Variants in MGAT4C observed in about 807,000 individuals in gnomAD.
MGAT4C encodes MGAT4 family member C, also known as alpha-1,3-mannosyl-glycoprotein 4-beta-N-acetylglucosaminyltransferase C.
In MGAT4C, 19 loss-of-function variants were observed where a neutral mutation model predicts 40.1. The ratio of observed to expected loss-of-function variants is 0.47; its 90% CI spans 0.33 to 0.70. The LOEUF (loss-of-function observed/expected upper bound fraction) is 0.70, where lower values mean the gene tolerates loss of function less well. MGAT4C is among the 30% of genes least tolerant of loss of function. The pLI is 0.02. For synonymous variants in MGAT4C, 181 were observed against 187.1 expected (o/e 0.97, Z 0.27); for missense variants, 491 against 563.2 (o/e 0.87, Z 1.30).
intron 2 of MGAT4C, among the ~76,000 whole-genome samples, chr12:86,636,312 T>C (rs934039770): frequency 1.3e-5 from 2 of 152,094 alleles, no homozygotes; most frequent in African/African-American, 4.8e-5. Flanking sequence ...TTTTTTAAAA[T>C]TATAAACCTT....
At chr12:86,695,354 G>A (rs532023672) in intron 2 of MGAT4C, among the ~76,000 whole-genome samples, 1 of 152,276 alleles carries the variant, frequency 6.6e-6, no homozygotes, top group Non-Finnish European at 1.5e-5. Context: ...ATAGAGAACA[G>A]TTTGGAGATT....
In MGAT4C at chr12:86,226,345, A is replaced by G. The variant is rs554617997; in HGVS notation, c.-57+29894T>C. Among the ~76,000 whole-genome samples, 403 of 152,082 alleles carry G rather than the reference A, an allele frequency of 2.6e-3. 1 individual carries two copies. The highest frequency in any genetic ancestry group is 6.8e-3 in the Middle Eastern group (2 of 294). On this transcript the variant is annotated intron_variant, in intron 1 of 4. Coordinates refer to ENST00000611864, the MANE Select transcript of MGAT4C (RefSeq NM_001351288.2). ...ATATTTAAAAAGTATGAAAAAATCAATATGGCTGGAATACAGTGTATGAAA... is the reference window on the plus strand; with the variant it reads ...ATATTTAAAAAGTATGAAAAAATCAGTATGGCTGGAATACAGTGTATGAAA...
At position 86,050,123 on chromosome 12, in the gene MGAT4C, C is replaced by T. The variant is rs773578744; in HGVS notation, c.-56-400G>A. Among the ~76,000 whole-genome samples, 209 of 151,914 alleles carry T rather than the reference C, an allele frequency of 1.4e-3. 1 individual carries two copies. Among genetic ancestry groups the T allele is most frequent in the Non-Finnish European group, 2.6e-3 (178 of 67,866 alleles). On this transcript the variant is annotated intron_variant, in intron 1 of 4. Transcript: ENST00000611864. ...TTTTCCTTAAGAAAGTACTTCAGTC[C>T]GTATCACTGAACTTCACTTCACCAA...
At chr12:86,623,600 A>G (rs1962707849) in intron 2 of MGAT4C, among the ~76,000 whole-genome samples, 1 of 152,158 alleles carries the variant, frequency 6.6e-6, no homozygotes, top group African/African-American at 2.4e-5. Context: ...ATTCTATATC[A>G]AGTCAAAAAT....
chr12:86,532,743 C>T (rs920787539), intron 2 of MGAT4C, among the ~76,000 whole-genome samples: 1 of 151,826 alleles, frequency 6.6e-6, no homozygotes, highest in African/African-American at 2.4e-5. Flanking sequence ...AATATGAATG[C>T]CATTTTATGT....
chr12:86,630,945 G>T (rs986135920), intron 2 of MGAT4C, among the ~76,000 whole-genome samples: 4 of 152,110 alleles, frequency 2.6e-5, no homozygotes, highest in Admixed American at 2.0e-4. Context: ...ATTCAATTAG[G>T]AAAAGAGGAA....
At chr12:85,991,261 C>T (rs146848642) in intron 2 of MGAT4C, among the ~76,000 whole-genome samples, 112 of 152,312 alleles carry the variant, frequency 7.4e-4, no homozygotes, top group African/African-American at 2.6e-3. Flanking sequence ...CATCATCTCT[C>T]CATCCTCTCC....
intron 1 of MGAT4C, among the ~76,000 whole-genome samples, chr12:86,183,406 C>G (rs1888340050): frequency 6.6e-6 from 1 of 151,968 alleles, no homozygotes; most frequent in African/African-American, 2.4e-5. Flanking sequence ...GTTTCTTAAT[C>G]CGAGAAAAGG....
At chr12:86,497,417 T>C (rs968334273) in intron 2 of MGAT4C, among the ~76,000 whole-genome samples, 1 of 151,978 alleles carries the variant, frequency 6.6e-6, no homozygotes, top group Non-Finnish European at 1.5e-5. Flanking sequence ...AATAATAATG[T>C]TAAAAACAAG....
At chr12:86,383,444 T>C (rs1955987144) in intron 3 of MGAT4C, among the ~76,000 whole-genome samples, 1 of 140,932 alleles carries the variant, frequency 7.1e-6, no homozygotes, top group African/African-American at 2.6e-5. Context: ...CCTAGCTACT[T>C]GGGAGGCTGA....
chr12:86,520,540 G>A (rs555313303), intron 2 of MGAT4C, among the ~76,000 whole-genome samples: 117 of 152,204 alleles, frequency 7.7e-4, no homozygotes, highest in African/African-American at 2.6e-3. Flanking sequence ...GAACATATGT[G>A]TGCATGTATG....
At chr12:86,608,657 T>C (rs1031433219) in intron 2 of MGAT4C, among the ~76,000 whole-genome samples, 2 of 151,450 alleles carry the variant, frequency 1.3e-5, no homozygotes, top group African/African-American at 2.4e-5. Flanking sequence ...GTGGAAAAAA[T>C]AGACTTATTT....
At chr12:86,013,824 A>G in intron 2 of MGAT4C, 1 of 818,292 alleles carries the variant, frequency 1.2e-6, no homozygotes, top group East Asian at 1.3e-4. Context: ...CATAAATATT[A>G]TCATTTTCCA....
chr12:86,235,045 T>C (rs1951474851), intron 1 of MGAT4C, among the ~76,000 whole-genome samples: 1 of 152,144 alleles, frequency 6.6e-6, no homozygotes, highest in Admixed American at 6.6e-5. Context: ...TTTTATTTTT[T>C]TCTTTTACTT....
intron 3 of MGAT4C, among the ~76,000 whole-genome samples, chr12:86,356,934 A>G (rs1955327819): frequency 6.6e-6 from 1 of 152,220 alleles, no homozygotes; most frequent in Admixed American, 6.5e-5. Context: ...AAACTTCTGC[A>G]GACTTAAACC....
intron 1 of MGAT4C, among the ~76,000 whole-genome samples, chr12:86,211,128 T>G (rs886399337): frequency 1.3e-5 from 2 of 151,552 alleles, no homozygotes; most frequent in Non-Finnish European, 2.9e-5. Context: ...AAACTGCTTC[T>G]GTGGGTCTTT....
chr12:86,423,925 A>G (rs1051156793), intron 3 of MGAT4C, among the ~76,000 whole-genome samples: 8 of 152,230 alleles, frequency 5.3e-5, no homozygotes, highest in Non-Finnish European at 5.9e-5. Context: ...AAGGGGTAGG[A>G]CATAGGGAAA....
intron 3 of MGAT4C, among the ~76,000 whole-genome samples, chr12:86,359,891 T>C (rs1309992930): frequency 6.6e-6 from 1 of 152,212 alleles, no homozygotes; most frequent in African/African-American, 2.4e-5. Flanking sequence ...AGCCAAATTC[T>C]ACCAGAGGTA....
intron 2 of MGAT4C, among the ~76,000 whole-genome samples, chr12:86,513,069 T>C (rs893481510): frequency 2.3e-4 from 35 of 152,104 alleles, no homozygotes; most frequent in Non-Finnish European, 3.1e-4. Flanking sequence ...GAATATTAAC[T>C]TGAGAGAGCC....
Sources: gnomAD v4.1 joint callset for allele counts (sites outside exome capture counted in the v4.1 genomes callset) on GRCh38, gnomAD v4.1.1 for gene constraint, MANE v1.5 for transcripts, NCBI Gene and HGNC (gene_info 2026-07-23, HGNC 2026-07-21) for gene names.